Variants in ERBB4 observed in about 807,000 individuals in gnomAD.
The protein encoded by ERBB4 is receptor tyrosine-protein kinase erbB-4.
ERBB4 carries 42 observed loss-of-function variants against 158.0 expected under a neutral mutation model. The ratio of observed to expected loss-of-function variants is 0.27; its 90% CI spans 0.21 to 0.34. The LOEUF (loss-of-function observed/expected upper bound fraction) is 0.34, where lower values mean the gene tolerates loss of function less well. Among genes scored for constraint, ERBB4 ranks in the 10% least tolerant of loss-of-function variants. The pLI is 1.00. For missense variants in ERBB4, 1,333 were observed against 1,624.1 expected (o/e 0.82, Z 3.08); for synonymous variants, 583 against 558.7 (o/e 1.04, Z -0.61).
At position 212,278,256 on chromosome 2, in the gene ERBB4, T is replaced by G. The variant is rs568358440; in HGVS notation, c.83-153353A>C. On this transcript the variant is annotated intron_variant, in intron 1 of 27. Transcript: ENST00000342788. Reference sequence around the variant, plus strand: ...GCAATCTGTAGAAATTGCCATAATATAAGTGACATTTTACTTCTGTTCATG... The same window carrying G: ...GCAATCTGTAGAAATTGCCATAATAGAAGTGACATTTTACTTCTGTTCATG... 1.1e-4 allele frequency among the ~76,000 whole-genome samples: 17 copies of G among 151,878 alleles called. 1 individual carries two copies. In the South Asian group the frequency reaches 3.5e-3, roughly 31 times the overall value.
chr2:211,790,892 G>A (rs1444539432), intron 3 of ERBB4, among the ~76,000 whole-genome samples: 2 of 151,818 alleles, frequency 1.3e-5, no homozygotes, highest in East Asian at 1.9e-4. Flanking sequence ...GACACTTATA[G>A]GACAGTTTTA....
chr2:212,272,753 TAGAA>T (rs576333646), intron 1 of ERBB4, among the ~76,000 whole-genome samples: 301 of 151,948 alleles, frequency 2.0e-3, no homozygotes, highest in Non-Finnish European at 3.1e-3. Flanking sequence ...TTTCTTTGCG[TAGAA>T]AGATTCTACT....
intron 1 of ERBB4, among the ~76,000 whole-genome samples, chr2:212,161,356 G>T (rs1259669123): frequency 6.6e-6 from 1 of 151,802 alleles, no homozygotes; most frequent in African/African-American, 2.4e-5. Flanking sequence ...ACACCCATCT[G>T]CCTAAATTTT....
chr2:212,286,605 T>TTTGTTTTG (rs1452719439), intron 1 of ERBB4, among the ~76,000 whole-genome samples: 27 of 127,892 alleles, frequency 2.1e-4, no homozygotes, highest in Middle Eastern at 3.7e-3. Flanking sequence ...TTTTTTTTTT[T>TTTGTTTTG]TTTTTTTTTT....
chr2:211,475,511 G>C (rs1242670114), intron 20 of ERBB4, among the ~76,000 whole-genome samples: 1 of 152,012 alleles, frequency 6.6e-6, no homozygotes, highest in Non-Finnish European at 1.5e-5. Context: ...CTGATCAATG[G>C]ACATCAGTTG....
chr2:212,333,234 T>TA (rs1485724875), intron 1 of ERBB4, among the ~76,000 whole-genome samples: 1 of 152,066 alleles, frequency 6.6e-6, no homozygotes, highest in Non-Finnish European at 1.5e-5. Flanking sequence ...ACCCTCACTC[T>TA]AGTTGCCAAT....
At chr2:211,906,838 G>T (rs1474625671) in intron 3 of ERBB4, among the ~76,000 whole-genome samples, 2 of 151,572 alleles carry the variant, frequency 1.3e-5, no homozygotes, top group Non-Finnish European at 2.9e-5. Flanking sequence ...AGTTTGCTAA[G>T]GATAATGGCA....
chr2:212,099,313 G>C (rs1298187665), intron 2 of ERBB4, among the ~76,000 whole-genome samples: 2 of 151,922 alleles, frequency 1.3e-5, no homozygotes, highest in Non-Finnish European at 2.9e-5. Flanking sequence ...ACTTCTTCTT[G>C]AGATATGAGA....
At chr2:211,696,303 G>T (rs1215377103) in intron 12 of ERBB4, among the ~76,000 whole-genome samples, 1 of 151,914 alleles carries the variant, frequency 6.6e-6, no homozygotes, top group African/African-American at 2.4e-5. Context: ...TAGAGACAGG[G>T]TTTCACCATA....
intron 20 of ERBB4, among the ~76,000 whole-genome samples, chr2:211,456,621 C>T (rs150306898): frequency 2.0e-3 from 297 of 151,966 alleles, no homozygotes; most frequent in African/African-American, 6.8e-3. Context: ...TGCTTTAGTC[C>T]AGTGGTTCCC....
At chr2:211,764,770 T>A (rs1293070299) in intron 4 of ERBB4, among the ~76,000 whole-genome samples, 1 of 152,116 alleles carries the variant, frequency 6.6e-6, no homozygotes, top group African/African-American at 2.4e-5. Context: ...CAAAATATAT[T>A]AGAACACACA....
At chr2:211,761,245 A>AT (rs1227365968) in intron 4 of ERBB4, among the ~76,000 whole-genome samples, 6 of 148,878 alleles carry the variant, frequency 4.0e-5, no homozygotes. Context: ...CCTTATTTTT[A>AT]TTTTTTAAAG....
chr2:212,439,296 T>A (rs989018915), intron 1 of ERBB4, among the ~76,000 whole-genome samples: 3 of 152,186 alleles, frequency 2.0e-5, no homozygotes, highest in Admixed American at 6.5e-5. Context: ...CATACAAAAT[T>A]AAATATTCTG....
intron 20 of ERBB4, among the ~76,000 whole-genome samples, chr2:211,517,181 T>C (rs1390893408): frequency 5.3e-5 from 8 of 152,128 alleles, no homozygotes; most frequent in Non-Finnish European, 1.5e-5. Context: ...ACTTTGGTTC[T>C]AGCACCAAAT....
intron 20 of ERBB4, among the ~76,000 whole-genome samples, chr2:211,533,020 T>G (rs1342231661): frequency 1.3e-5 from 1 of 76,634 alleles, no homozygotes; most frequent in Admixed American, 1.8e-4. Flanking sequence ...GACATTAACA[T>G]ATATTATAAA....
chr2:212,465,326 T>A (rs1171999716), intron 1 of ERBB4, among the ~76,000 whole-genome samples: 2 of 152,152 alleles, frequency 1.3e-5, no homozygotes, highest in Non-Finnish European at 2.9e-5. Flanking sequence ...AGTTTGATTT[T>A]ACTTAAAATT....
At chr2:211,583,465 T>C (rs2068163638) in intron 19 of ERBB4, among the ~76,000 whole-genome samples, 1 of 151,830 alleles carries the variant, frequency 6.6e-6, no homozygotes, top group African/African-American at 2.4e-5. Flanking sequence ...CATGAGTAAG[T>C]TATTTATATT....
At chr2:211,936,562 T>G (rs1409841037) in intron 3 of ERBB4, among the ~76,000 whole-genome samples, 1 of 152,046 alleles carries the variant, frequency 6.6e-6, no homozygotes, top group Non-Finnish European at 1.5e-5. Context: ...GATCATAAAA[T>G]ATTAAGGAAG....
Position 212,219,097 on chromosome 2 carries a change from T to C in ERBB4, c.83-94194A>G, listed in dbSNP as rs762154448. Among the ~76,000 whole-genome samples, 81 of 151,516 alleles carry C rather than the reference T, an allele frequency of 5.3e-4. No individual in the cohort carries two copies. The Middle Eastern group carries it at 0.017, about 32-fold the overall frequency. On this transcript the variant is annotated intron_variant, in intron 1 of 27. Coordinates refer to ENST00000342788, the MANE Select transcript of ERBB4 (RefSeq NM_005235.3). ...AAGAAAGGAAAGAATAGAGATTTTG[T>C]AGAATCATAAAATCATGAAGTGTCA... is the stretch of plus-strand genomic sequence containing the variant.
Sources: gnomAD v4.1 joint callset for allele counts (sites outside exome capture counted in the v4.1 genomes callset) on GRCh38, gnomAD v4.1.1 for gene constraint, MANE v1.5 for transcripts, NCBI Gene and HGNC (gene_info 2026-07-23, HGNC 2026-07-21) for gene names.